Variants in MGRN1 observed in about 807,000 individuals in gnomAD.
MGRN1 encodes the protein E3 ubiquitin-protein ligase MGRN1.
A neutral mutation model predicts 69.2 loss-of-function variants in MGRN1; 29 were observed. The observed-to-expected ratio is 0.42, with a 90% CI of 0.31 to 0.57. MGRN1 has a LOEUF of 0.57. MGRN1 is among the 20% of genes least tolerant of loss of function. MGRN1 has a pLI of 0.15. For missense variants in MGRN1, 998 were observed against 796.2 expected (o/e 1.25, Z -3.05); for synonymous variants, 470 against 344.2 (o/e 1.37, Z -4.04).
chr16:4,668,633 C>CACACACTCAG (rs1567216674), intron 8 of MGRN1, among the ~76,000 whole-genome samples: 1 of 151,860 alleles, frequency 6.6e-6, no homozygotes, highest in Non-Finnish European at 1.5e-5. Context: ...CATTCAGATG[C>CACACACTCAG]ACACACTCAG....
At chr16:4,658,660 G>A (rs184571945) in intron 5 of MGRN1, among the ~76,000 whole-genome samples, 1 of 152,104 alleles carries the variant, frequency 6.6e-6, no homozygotes, top group Admixed American at 6.5e-5. Flanking sequence ...CTGTGGCTGT[G>A]TTCCTGACGT....
At chr16:4,673,231 A>G (rs2078980501) in intron 9 of MGRN1, among the ~76,000 whole-genome samples, 1 of 151,992 alleles carries the variant, frequency 6.6e-6, no homozygotes, top group South Asian at 2.1e-4. Context: ...TTTTTTCTTT[A>G]GGTCTGAAGA....
intron 11 of MGRN1, among the ~76,000 whole-genome samples, chr16:4,678,222 A>C (rs937379480): frequency 1.3e-5 from 2 of 152,008 alleles, no homozygotes; most frequent in African/African-American, 4.8e-5. Context: ...CCCTCCTCCC[A>C]CGCTCCAGGC....
At chr16:4,688,205 C>A (rs1286854197) in intron 16 of MGRN1, 3 of 985,518 alleles carry the variant, frequency 3.0e-6, no homozygotes, top group Middle Eastern at 5.2e-4. Flanking sequence ...GTCCCAGGCT[C>A]TGCACCAGCA....
chr16:4,668,390 TAGAC>T (rs1043855183), intron 8 of MGRN1, 78 bp downstream of exon 8: 3 of 1,446,270 alleles, frequency 2.1e-6, no homozygotes, highest in Non-Finnish European at 1.9e-6. Context: ...TACTCATACA[TAGAC>T]ACACACTCAT....
intron 13 of MGRN1, 92 bp from the exon 14 acceptor site, chr16:4,682,730 CA>C: frequency 7.2e-7 from 1 of 1,382,204 alleles, no homozygotes; most frequent in Non-Finnish European, 9.6e-7. Context: ...CAGGCGTGTG[CA>C]GGGGCCCCCA....
At chr16:4,673,027 A>G (rs1237720687) in intron 9 of MGRN1, among the ~76,000 whole-genome samples, 2 of 151,912 alleles carry the variant, frequency 1.3e-5, no homozygotes, top group African/African-American at 4.8e-5. Context: ...TTTAGTAGAG[A>G]CGGGGTTTCA....
chr16:4,687,868 C>G, intron 16 of MGRN1: 2 of 985,524 alleles, frequency 2.0e-6, no homozygotes, highest in Middle Eastern at 5.2e-4. Flanking sequence ...CCTCTGTCTT[C>G]TTGAGCCCAG....
At chr16:4,660,829 A>T (rs1178099676) in intron 5 of MGRN1, among the ~76,000 whole-genome samples, 1 of 152,106 alleles carries the variant, frequency 6.6e-6, no homozygotes, top group Non-Finnish European at 1.5e-5. Context: ...TCCCAGCATG[A>T]TCAGCCCTGA....
At chr16:4,666,043 G>A (rs2078797149) in intron 7 of MGRN1, among the ~76,000 whole-genome samples, 2 of 151,938 alleles carry the variant, frequency 1.3e-5, no homozygotes, top group Non-Finnish European at 2.9e-5. Context: ...TGCTAGCCAG[G>A]ATGGTCTCGA....
chr16:4,641,767 C>T (rs1373555328), intron 1 of MGRN1, among the ~76,000 whole-genome samples: 1 of 152,094 alleles, frequency 6.6e-6, no homozygotes, highest in East Asian at 1.9e-4. Flanking sequence ...GATTCGCCTG[C>T]CTCGGCCTCC....
intron 16 of MGRN1, chr16:4,686,785 C>T (rs962275221): frequency 1.0e-6 from 1 of 990,878 alleles, no homozygotes; most frequent in Non-Finnish European, 1.2e-6. Flanking sequence ...ATCGGTCCTG[C>T]AGCAGACACG....
In MGRN1 at chr16:4,677,582, GC is replaced by G; in HGVS notation, c.1065+12del. The G allele has an allele frequency of 6.3e-7, 1 of 1,597,464 alleles. No homozygotes were observed. Among genetic ancestry groups the G allele is most frequent in the Non-Finnish European group, 8.5e-7 (1 of 1,178,138 alleles). ...GCATGATGAGCACTCTGTAAGTGCC[GC>G]CTCCTGCCTGCGGGATGGGCGGGAG... On this transcript the variant is annotated intron_variant, in intron 11 of 16. Coordinates refer to ENST00000262370, the MANE Select transcript of MGRN1 (RefSeq NM_015246.4).
At chr16:4,652,163 G>T in intron 3 of MGRN1, 112 bp downstream of exon 3, 2 of 973,352 alleles carry the variant, frequency 2.1e-6, no homozygotes, top group Non-Finnish European at 1.5e-6. Flanking sequence ...CCCAGTTTCT[G>T]CGCCCTCCCG....
intron 5 of MGRN1, among the ~76,000 whole-genome samples, chr16:4,660,904 C>T (rs560921652): frequency 6.6e-6 from 1 of 152,308 alleles, no homozygotes; most frequent in Admixed American, 6.5e-5. Context: ...CTGTGGTATC[C>T]CTCAGACGGC....
Position 4,683,269 on chromosome 16 carries a change from G to A in MGRN1, c.1528G>A (p.Gly510Arg). 2 of 1,613,758 alleles carry A rather than the reference G, an allele frequency of 1.2e-6. No individual in the cohort carries two copies. The highest frequency in any genetic ancestry group is 2.2e-5 in the South Asian group (2 of 91,074). ...TGATGAGTCGTCGTCACCACAGCAA[G>A]GTGAGCGCCTCCTTCCATGGGCACA... The part of the protein sequence containing the change: ...EVDESSSPQQ[G>R]TRAASIENVL... Residue 510 changes from glycine (G) to arginine (R), a missense_variant and splice_region_variant, in exon 15 of 17, where the codon GGG (glycine) becomes AGG (arginine). By Grantham distance (125) the Gly-to-Arg change is moderately radical (BLOSUM62 -2). Coordinates refer to ENST00000262370, the MANE Select transcript of MGRN1 (RefSeq NM_015246.4).
chr16:4,657,394 C>A lies in MGRN1; in HGVS notation c.561+31C>A. ...GCTGGCTGGGCGGCTCCTTGCCCTT[C>A]GCTCCTCCTGAATTCTCTCCCCTTG... On this transcript the variant is annotated intron_variant, in intron 5 of 16. Coordinates refer to ENST00000262370, the MANE Select transcript of MGRN1 (RefSeq NM_015246.4). 2.5e-6 allele frequency: 4 copies of A among 1,590,366 alleles called. No homozygotes were observed. In the South Asian group the frequency reaches 4.4e-5, roughly 18 times the overall value.
intron 4 of MGRN1, among the ~76,000 whole-genome samples, chr16:4,654,536 T>A (rs923077799): frequency 3.9e-5 from 6 of 152,222 alleles, no homozygotes; most frequent in African/African-American, 1.4e-4. Context: ...CCCCCTGCCT[T>A]CCTGCACTGG....
chr16:4,686,409 GTCCGCA>G, intron 16 of MGRN1: 1 of 1,471,994 alleles, frequency 6.8e-7, no homozygotes, highest in Non-Finnish European at 9.0e-7. Flanking sequence ...TTGGGTCTTC[GTCCGCA>G]TCCGCATCTT....
Sources: allele counts gnomAD v4.1 joint callset (sites outside exome capture counted in the v4.1 genomes callset), GRCh38; gene constraint gnomAD v4.1.1; transcripts MANE v1.5; gene names NCBI Gene and HGNC (gene_info 2026-07-23, HGNC 2026-07-21).